Variants in DAPK3 observed in about 807,000 individuals in gnomAD.
DAPK3 encodes the protein death-associated protein kinase 3.
DAPK3 carries 24 observed loss-of-function variants against 30.6 expected under a neutral mutation model. That is an observed-to-expected ratio of 0.78 (90% CI 0.57 to 1.10). DAPK3 has a LOEUF of 1.10. Ranked by LOEUF, DAPK3 falls within the 50% of genes least tolerant of loss-of-function variation. The pLI is 0.00. For synonymous variants in DAPK3, 341 were observed against 284.0 expected (o/e 1.20, Z -2.02); for missense variants, 629 against 657.3 (o/e 0.96, Z 0.47).
At position 3,969,800 on chromosome 19, in the gene DAPK3, T is replaced by C; in HGVS notation, c.-65A>G. On this transcript the variant is annotated 5_prime_UTR_variant, in exon 2 of 9. Transcript: ENST00000545797. ...AAGTGCAGTCACCGCAGCCTGGAGA[T>C]AGGACCTCAGGAGTCCCCTAATGGC... 1.6e-6 allele frequency: 2 copies of C among 1,226,466 alleles called. No individual in the cohort carries two copies. Among genetic ancestry groups the C allele is most frequent in the South Asian group, 1.2e-5 (1 of 83,152 alleles). The allele number at this position is 1,226,466 out of a possible 1,614,324, so 76.0% of individuals were successfully genotyped here.
chr19:3,967,173 G>C (rs967986165), intron 2 of DAPK3, among the ~76,000 whole-genome samples: 4 of 152,112 alleles, frequency 2.6e-5, no homozygotes, highest in Non-Finnish European at 4.4e-5. Flanking sequence ...CTGGGAAGCC[G>C]GGCACAGTGG....
chr19:3,959,680 C>A, intron 8 of DAPK3, 43 bp from the exon 9 acceptor site: 1 of 1,485,358 alleles, frequency 6.7e-7, no homozygotes. Context: ...GCGATGCCAC[C>A]CAGCCCCGCC....
At position 3,958,933 on chromosome 19, in the gene DAPK3, T is replaced by A. The variant is rs566430965; in HGVS notation, c.*168A>T. ...AGCAGCCCCGTCCCACACCCACCCC[T>A]GCCTGCGAACTTACGGGCCTGGCTC... On this transcript the variant is annotated 3_prime_UTR_variant, in exon 9 of 9. Transcript: ENST00000545797. 39 of 582,454 alleles carry A rather than the reference T, an allele frequency of 6.7e-5. No homozygotes were observed. The highest frequency in any genetic ancestry group is 9.7e-5 in the Non-Finnish European group (32 of 330,002). The allele number at this position is 582,454 out of a possible 1,614,324, so 36.1% of individuals were successfully genotyped here.
chr19:3,969,569 C>T, intron 2 of DAPK3, 105 bp downstream of exon 2: 1 of 763,994 alleles, frequency 1.3e-6, no homozygotes, highest in South Asian at 1.6e-5. Context: ...CTCATTCCTT[C>T]TCAGCATACA....
intron 2 of DAPK3, among the ~76,000 whole-genome samples, chr19:3,965,803 T>C (rs917875164): frequency 6.6e-6 from 1 of 152,024 alleles, no homozygotes; most frequent in African/African-American, 2.4e-5. Flanking sequence ...CAGCTGGGAC[T>C]ACAGGCACAT....
intron 3 of DAPK3, 62 bp downstream of exon 3, chr19:3,964,569 C>T: frequency 5.7e-5 from 55 of 966,616 alleles, no homozygotes; most frequent in Non-Finnish European, 7.9e-5. Flanking sequence ...CCAGGCTCTT[C>T]CCCGCCCCAT....
chr19:3,961,853 A>C (rs2145331959), intron 6 of DAPK3: 1 of 214,074 alleles, frequency 4.7e-6, no homozygotes, highest in Non-Finnish European at 9.8e-6. Flanking sequence ...CACCTCTGGC[A>C]CTTTAAATTT....
intron 6 of DAPK3, chr19:3,961,876 A>G (rs2039520341): frequency 9.6e-6 from 2 of 209,396 alleles, no homozygotes; most frequent in South Asian, 1.5e-4. Flanking sequence ...TAAATTTTTT[A>G]GAGACGGAGT....
Position 3,959,454 on chromosome 19 carries a change from C to A in DAPK3, c.1012G>T (p.Gly338Cys). 1 of 1,547,076 alleles carries A rather than the reference C, an allele frequency of 6.5e-7. No homozygotes were observed. Among genetic ancestry groups the A allele is most frequent in the Non-Finnish European group, 8.7e-7 (1 of 1,153,030 alleles). ...VLEEAAAAEE[G>C]LRELQRSRRL... ...CGGCTGCGCTGCAGCTCGCGCAGGC[C>A]CTCCTCGGCGGCCGCCGCCTCCTCC... Residue 338 changes from glycine to cysteine, a missense_variant, in exon 9 of 9, where the codon GGC becomes TGC. This residue lies in a region of DAPK3 where 323 missense variants were observed against 278.8 expected (regional missense o/e 1.16). Transcript: ENST00000545797.
intron 6 of DAPK3, among the ~76,000 whole-genome samples, chr19:3,962,057 T>C (rs1217699801): frequency 1.3e-5 from 2 of 152,102 alleles, no homozygotes; most frequent in South Asian, 4.1e-4. Context: ...CATGGTTTCA[T>C]CGTGTTAGCC....
chr19:3,964,324 T>C lies in DAPK3; in HGVS notation c.473A>G (p.Lys158Arg). The C allele has an allele frequency of 1.2e-6, 2 of 1,613,362 alleles. No homozygotes were observed. Among genetic ancestry groups the C allele is most frequent in the Non-Finnish European group, 1.7e-6 (2 of 1,179,326 alleles). The change falls in exon 4 of 9, where the codon AAG (lysine) becomes AGG (arginine). Residue 158 changes from lysine (K) to arginine (R), a missense_variant. Lys to Arg is a conservative substitution (Grantham distance 26). Around this residue, in one of 2 missense-constraint regions of DAPK3, gnomAD observed 306 missense variants for 378.5 expected, o/e 0.81. Coordinates refer to ENST00000545797, the MANE Select transcript of DAPK3 (RefSeq NM_001348.3). ...GTGCGCGATGCCGAAGTCGATGAGCTTGATTCGTGGGTTGGGCACGTTCTT... is the reference window on the plus strand; with the variant it reads ...GTGCGCGATGCCGAAGTCGATGAGCCTGATTCGTGGGTTGGGCACGTTCTT... ...LDKNVPNPRI[K>R]LIDFGIAHKI... is the part of the protein sequence containing the mutation.
rs368786626 is a variant in DAPK3 at position 3,964,343 on chromosome 19, C to G, written c.454G>C (p.Val152Leu). The change falls in exon 4 of 9, where the codon GTG (valine) becomes CTG (leucine). Residue 152 changes from valine (V) to leucine (L), a missense_variant. Physicochemically the swap from Val to Leu is conservative, Grantham distance 32 (BLOSUM62 1). Transcript: ENST00000545797. The stretch of plus-strand genomic sequence containing the variant: ...ATGAGCTTGATTCGTGGGTTGGGCA[C>G]GTTCTTGTCCAGCAGCATGATGTTT... ...PENIMLLDKN[V>L]PNPRIKLIDF... The G allele has an allele frequency of 4.5e-5, 72 of 1,613,134 alleles. 1 individual carries two copies. The South Asian group carries it at 6.9e-4, about 16-fold the overall frequency.
At chr19:3,960,308 G>A (rs1487217713) in intron 7 of DAPK3, among the ~76,000 whole-genome samples, 2 of 152,124 alleles carry the variant, frequency 1.3e-5, no homozygotes, top group African/African-American at 4.8e-5. Flanking sequence ...GGCTGGAGTC[G>A]CAAACCCAGG....
intron 2 of DAPK3, among the ~76,000 whole-genome samples, chr19:3,967,889 G>A (rs1394336982): frequency 2.6e-5 from 4 of 152,208 alleles, no homozygotes; most frequent in Admixed American, 6.5e-5. Flanking sequence ...TGTCAAACCC[G>A]TGAGGTGTGG....
chr19:3,960,044 C>A lies in DAPK3; in HGVS notation c.828+15G>T, dbSNP rs994931690. The A allele has an allele frequency of 1.4e-6, 2 of 1,448,462 alleles. No homozygotes were observed. The highest frequency in any genetic ancestry group is 1.7e-5 in the Admixed American group (1 of 59,310). The allele number at this position is 1,448,462 out of a possible 1,614,324, so 89.7% of individuals were successfully genotyped here. A position where few individuals can be genotyped will look rare whatever the true frequency, so the allele number is the denominator to read the frequency against. ...AGGCGGGAAGCCCAGGGAGCTCCCC[C>A]ACCTCCCCACTTACCTTAATCCAGG... On this transcript the variant is annotated intron_variant, in intron 8 of 8. Coordinates refer to ENST00000545797, the MANE Select transcript of DAPK3 (RefSeq NM_001348.3).
Position 3,960,072 on chromosome 19 carries a change from T to C in DAPK3, c.815A>G (p.His272Arg), listed in dbSNP as rs1416077220. 4.5e-6 allele frequency: 7 copies of C among 1,564,438 alleles called. No homozygotes were observed. Among genetic ancestry groups the C allele is most frequent in the Non-Finnish European group, 6.2e-6 (7 of 1,135,070 alleles). The change falls in exon 8 of 9, where the codon CAT becomes CGT. Residue 272 changes from histidine (H) to arginine (R), a missense_variant. Transcript: ENST00000545797. Reference sequence around the variant, plus strand: ...CTCCCCACTTACCTTAATCCAGGAATGTTCCAGGCTCTGGGCAATGGTCAT... The same window carrying C: ...CTCCCCACTTACCTTAATCCAGGAACGTTCCAGGCTCTGGGCAATGGTCAT... ...RRMTIAQSLE[H>R]SWIKAIRRRN...
chr19:3,959,348 C>A lies in DAPK3; in HGVS notation c.1118G>T (p.Ser373Ile). 1 of 1,588,164 alleles carries A rather than the reference C, an allele frequency of 6.3e-7. No homozygotes were observed. Among genetic ancestry groups the A allele is most frequent in the Non-Finnish European group, 8.5e-7 (1 of 1,174,792 alleles). ...KEAWYREESDSLGQDLRRLRQ... is the reference protein window; with the variant it reads ...KEAWYREESDILGQDLRRLRQ... ...TAGCCTCCGCAGGTCCTGGCCCAGG[C>A]TGTCGCTCTCCTCGCGGTACCAGGC... The change falls in exon 9 of 9, where the codon AGC (serine) becomes ATC (isoleucine). Residue 373 changes from serine to isoleucine, a missense_variant. Around this residue, in one of 2 missense-constraint regions of DAPK3, gnomAD observed 323 missense variants for 278.8 expected, o/e 1.16. Transcript: ENST00000545797.
In DAPK3 at chr19:3,964,834, G is replaced by C. The variant is rs527761712; in HGVS notation, c.220C>G (p.Pro74Ala). ...ATGTCGTGCAGGGTGATGATGTTGG[G>C]GTGCCGGATCTCCCGCAGGATGTTC... ...EVNILREIRH[P>A]NIITLHDIFE... Residue 74 changes from proline (P) to alanine (A), a missense_variant, in exon 3 of 9, where the codon CCC becomes GCC. Physicochemically the swap from Pro to Ala is conservative, Grantham distance 27. This residue lies in a region of DAPK3 where 306 missense variants were observed against 378.5 expected (regional missense o/e 0.81). Transcript: ENST00000545797. 6.2e-6 allele frequency: 10 copies of C among 1,613,064 alleles called. No homozygotes were observed. In the East Asian group the frequency reaches 2.0e-4, roughly 32 times the overall value.
chr19:3,964,562 G>T, intron 3 of DAPK3, 69 bp downstream of exon 3: 2 of 1,370,478 alleles, frequency 1.5e-6, no homozygotes, highest in East Asian at 3.0e-5. Flanking sequence ...GTGCCTTCCA[G>T]GCTCTTCCCC....
Sources: gnomAD v4.1 joint callset for allele counts (sites outside exome capture counted in the v4.1 genomes callset) on GRCh38, gnomAD v4.1.1 for gene constraint, gnomAD v4.1.1 regional missense constraint, MANE v1.5 for transcripts, NCBI Gene and HGNC (gene_info 2026-07-23, HGNC 2026-07-21) for gene names.